Variants in FABP7 observed in about 807,000 individuals in gnomAD.
FABP7 encodes the protein fatty acid binding protein 7, also known as fatty acid-binding protein, brain.
A neutral mutation model predicts 14.2 loss-of-function variants in FABP7; 13 were observed. The ratio of observed to expected loss-of-function variants is 0.91; its 90% CI spans 0.59 to 1.45. FABP7 has a LOEUF of 1.45. Among genes scored for constraint, FABP7 ranks in the 40% most tolerant of loss-of-function variants. The probability of loss-of-function intolerance (pLI) is 0.00; values close to 1 mark genes in which losing one functional copy is unlikely to be tolerated. For missense variants in FABP7, 149 were observed against 157.6 expected (o/e 0.95, Z 0.29); for synonymous variants, 49 against 51.4 (o/e 0.95, Z 0.20).
the FABP7 span, among the ~76,000 whole-genome samples, chr6:122,764,902 A>G: frequency 1.3e-5 from 2 of 152,216 alleles, no homozygotes; most frequent in East Asian, 3.8e-4. Context: ...TAGGCTGTCA[A>G]GACTGTTGTA....
chr6:122,773,532 A>G, the FABP7 span, among the ~76,000 whole-genome samples: 5 of 152,254 alleles, frequency 3.3e-5, no homozygotes, highest in African/African-American at 1.2e-4. Context: ...ATTATGGGAG[A>G]GACTGTGGGC....
upstream of FABP7, among the ~76,000 whole-genome samples, chr6:122,776,535 G>A (rs527487871): frequency 5.3e-5 from 8 of 152,176 alleles, no homozygotes; most frequent in Non-Finnish European, 8.8e-5. Context: ...AGGAACATGG[G>A]ATGAAGAGGG....
At chr6:122,772,117 T>C in the FABP7 span, among the ~76,000 whole-genome samples, 11 of 152,318 alleles carry the variant, frequency 7.2e-5, no homozygotes, top group African/African-American at 2.4e-4. Flanking sequence ...GACCCAGTTT[T>C]CCTTGAGGAA....
At position 122,780,400 on chromosome 6, in the gene FABP7, G is replaced by C; in HGVS notation, c.183G>C (p.Thr61=). The C allele has an allele frequency of 6.2e-7, 1 of 1,614,072 alleles. No homozygotes were observed. The highest frequency in any genetic ancestry group is 1.7e-5 in the Admixed American group (1 of 59,990). The change falls in exon 2 of 4, where the codon ACG becomes ACC. Residue 61 remains threonine, a synonymous_variant. Coordinates refer to ENST00000368444, the MANE Select transcript of FABP7 (RefSeq NM_001446.5). ...GGACTCTCAGCACATTCAAGAACACGGAGATTAGTTTCCAGCTGGGAGAAG... is the reference window on the plus strand; with the variant it reads ...GGACTCTCAGCACATTCAAGAACACCGAGATTAGTTTCCAGCTGGGAGAAG... ...VIRTLSTFKN[T]EISFQLGEEF... is the part of the protein sequence containing the mutation.
chr6:122,778,058 G>A (rs1287094253), upstream of FABP7, among the ~76,000 whole-genome samples: 1 of 151,844 alleles, frequency 6.6e-6, no homozygotes, highest in African/African-American at 2.4e-5. Flanking sequence ...GTACTTCTTG[G>A]CTCCCTAAAA....
the FABP7 span, among the ~76,000 whole-genome samples, chr6:122,754,504 G>A: frequency 1.3e-5 from 2 of 152,162 alleles, no homozygotes; most frequent in African/African-American, 4.8e-5. Context: ...TTCTTCATTT[G>A]CCCCAAGACC....
chr6:122,783,471 C>T (rs1213305325), intron 3 of FABP7: 1 of 985,304 alleles, frequency 1.0e-6, no homozygotes, highest in Non-Finnish European at 1.2e-6. Context: ...TAATTTAAGG[C>T]TAAAGAAATT....
Position 122,781,084 on chromosome 6 carries a change from T to TCA in FABP7, c.247-9_247-8insCA, listed in dbSNP as rs1562339872. ...ATTGCTATGTTCTGCATTTTGTTGT[T>TCA]GGTCTCAGTCTGTTGTTAGCCTGGA... On this transcript the variant is annotated splice_polypyrimidine_tract_variant and intron_variant, in intron 2 of 3. Transcript: ENST00000368444. 3 of 1,607,154 alleles carry TCA rather than the reference T, an allele frequency of 1.9e-6. No homozygotes were observed. Among genetic ancestry groups the TCA allele is most frequent in the Non-Finnish European group, 2.6e-6 (3 of 1,174,816 alleles).
chr6:122,782,676 C>T, intron 3 of FABP7: 1 of 985,370 alleles, frequency 1.0e-6, no homozygotes, highest in South Asian at 4.7e-5. Context: ...TTACATAGTC[C>T]TTGTACGATG....
At chr6:122,780,615 CAT>C (rs1377058954) in intron 2 of FABP7, 152 bp downstream of exon 2, 1 of 798,608 alleles carries the variant, frequency 1.3e-6, no homozygotes, top group African/African-American at 1.8e-5. Context: ...GTTTAATGTG[CAT>C]ATGTTATATT....
the FABP7 span, among the ~76,000 whole-genome samples, chr6:122,756,644 T>C: frequency 6.6e-6 from 1 of 152,226 alleles, no homozygotes; most frequent in African/African-American, 2.4e-5. Context: ...AAAAATTCTT[T>C]AAAGGACTTG....
the FABP7 span, among the ~76,000 whole-genome samples, chr6:122,771,584 A>G: frequency 3.9e-5 from 6 of 152,218 alleles, no homozygotes; most frequent in African/African-American, 1.4e-4. Flanking sequence ...AGGCTTCCAC[A>G]TATGGCATGG....
chr6:122,753,458 G>A, the FABP7 span, among the ~76,000 whole-genome samples: 1 of 151,992 alleles, frequency 6.6e-6, no homozygotes, highest in African/African-American at 2.4e-5. Context: ...ATCTAGAACC[G>A]TATTGACCTT....
intron 3 of FABP7, 124 bp from the exon 4 acceptor site, chr6:122,783,592 CA>C: frequency 7.0e-7 from 1 of 1,419,722 alleles, no homozygotes; most frequent in Non-Finnish European, 9.2e-7. Context: ...AATGCTTATG[CA>C]GCATTTAATG....
At chr6:122,756,587 A>G in the FABP7 span, among the ~76,000 whole-genome samples, 8 of 152,146 alleles carry the variant, frequency 5.3e-5, no homozygotes, top group South Asian at 2.1e-4. Flanking sequence ...TGTTCCTTCA[A>G]TCCTCTCTAT....
chr6:122,756,099 G>A, the FABP7 span, among the ~76,000 whole-genome samples: 1 of 152,116 alleles, frequency 6.6e-6, no homozygotes, highest in African/African-American at 2.4e-5. Flanking sequence ...TCTCCCCAAC[G>A]GGAGAGAGCA....
the FABP7 span, among the ~76,000 whole-genome samples, chr6:122,750,674 C>T: frequency 0.016 from 2,493 of 152,230 alleles, 68 homozygotes; most frequent in African/African-American, 0.056. Flanking sequence ...CTCCCCTGGG[C>T]CCCACTGCTG....
At chr6:122,766,400 A>T in the FABP7 span, among the ~76,000 whole-genome samples, 1 of 152,244 alleles carries the variant, frequency 6.6e-6, no homozygotes, top group Non-Finnish European at 1.5e-5. Context: ...AGCTGTAATC[A>T]CCTAGAATGT....
At chr6:122,775,392 C>T (rs1386922796), upstream of FABP7, among the ~76,000 whole-genome samples, 2 of 151,932 alleles carry the variant, frequency 1.3e-5, no homozygotes, top group African/African-American at 4.8e-5. Flanking sequence ...AACAAAGGTG[C>T]CAAGAATATA....
Sources: gnomAD v4.1 joint callset for allele counts (sites outside exome capture counted in the v4.1 genomes callset) on GRCh38, gnomAD v4.1.1 for gene constraint, MANE v1.5 for transcripts, NCBI Gene and HGNC (gene_info 2026-07-23, HGNC 2026-07-21) for gene names.